Variants in WDR70 observed in about 807,000 individuals in gnomAD.
WDR70 encodes the protein WD repeat-containing protein 70.
A neutral mutation model predicts 88.6 loss-of-function variants in WDR70; 53 were observed. That is an observed-to-expected ratio of 0.60 (90% confidence interval 0.48 to 0.75). WDR70 has a LOEUF of 0.75. WDR70 is among the 30% of genes least tolerant of loss of function. The pLI, the probability that WDR70 is intolerant of heterozygous loss-of-function variation, is 0.00. For missense variants in WDR70, 610 were observed against 823.2 expected, an observed-to-expected ratio of 0.74 and a Z score of 3.17; for synonymous variants, 280 against 270.0, an observed-to-expected ratio of 1.04 and a Z score of -0.36.
chr5:37,433,689 T>C (rs1026714864), intron 5 of WDR70, among the ~76,000 whole-genome samples: 8 of 152,336 alleles, frequency 5.3e-5, no homozygotes, highest in African/African-American at 1.9e-4. Context: ...TGGATGTTCA[T>C]CATATTCATC....
At chr5:37,733,781 T>A (rs1309936213) in intron 17 of WDR70, among the ~76,000 whole-genome samples, 1 of 152,040 alleles carries the variant, frequency 6.6e-6, no homozygotes, top group Non-Finnish European at 1.5e-5. Context: ...ATAATATTAG[T>A]TCTTTCAAAC....
At chr5:37,680,640 A>G (rs1463873668) in intron 10 of WDR70, among the ~76,000 whole-genome samples, 1 of 152,158 alleles carries the variant, frequency 6.6e-6, no homozygotes, top group Non-Finnish European at 1.5e-5. Context: ...TCCTAGCGCT[A>G]TTTATTAAAT....
At chr5:37,393,922 T>G (rs1194801045) in intron 4 of WDR70, among the ~76,000 whole-genome samples, 1 of 152,068 alleles carries the variant, frequency 6.6e-6, no homozygotes, top group Admixed American at 6.6e-5. Context: ...GCTCAAGCAA[T>G]CCGCTCACCT....
In WDR70 at chr5:37,544,193, A is replaced by T. The variant is rs377292418; in HGVS notation, c.917+27603A>T. Among the ~76,000 whole-genome samples, 3 of 152,184 alleles carry T rather than the reference A, an allele frequency of 2.0e-5. No individual in the cohort carries two copies. In the East Asian group the frequency reaches 5.8e-4, roughly 29 times the overall value. On this transcript the variant is annotated intron_variant, in intron 9 of 17. Transcript: ENST00000265107. ...TCTGCATTGGATTATACATAACAGGATTTCCTAAGTCCATGCCTCAGACTG... is the reference window on the plus strand; with the variant it reads ...TCTGCATTGGATTATACATAACAGGTTTTCCTAAGTCCATGCCTCAGACTG...
rs756604099 is a variant in WDR70, at chr5:37,605,227, C to T, written c.1081C>T (p.Arg361Ter). Residue 361 changes from arginine (R) to a stop codon, truncating the protein, a stop_gained, in exon 10 of 18, where the codon CGA becomes TGA. Transcript: ENST00000265107. LOFTEE classifies it high-confidence loss of function. The stretch of plus-strand genomic sequence containing the variant: ...GAATGGAAGCATACAGATCTGGGAC[C>T]GAAATTTGACTGTAAGTTAAATCTT... ...CQNGSIQIWDRNLTVHPKFHY... is the reference protein window; with the variant it reads ...CQNGSIQIWD 1.7e-5 allele frequency: 27 copies of T among 1,589,074 alleles called. No individual in the cohort carries two copies. Among genetic ancestry groups the T allele is most frequent in the African/African-American group, 2.7e-5 (2 of 73,884 alleles).
chr5:37,743,976 A>G (rs1443652810), intron 17 of WDR70, among the ~76,000 whole-genome samples: 4 of 152,160 alleles, frequency 2.6e-5, no homozygotes, highest in African/African-American at 9.7e-5. Flanking sequence ...GAGACCCTCC[A>G]ACAGAGATTG....
chr5:37,716,672 G>C (rs1008201542), intron 13 of WDR70, among the ~76,000 whole-genome samples: 3 of 148,172 alleles, frequency 2.0e-5, no homozygotes, highest in Non-Finnish European at 4.4e-5. Flanking sequence ...TATTTGTGAG[G>C]ACTCAATTAT....
intron 7 of WDR70, among the ~76,000 whole-genome samples, chr5:37,476,211 A>C (rs1739475599): frequency 6.6e-6 from 1 of 152,034 alleles, no homozygotes; most frequent in Non-Finnish European, 1.5e-5. Context: ...ATTGTCTTTT[A>C]CTATTCTTTT....
intron 7 of WDR70, among the ~76,000 whole-genome samples, chr5:37,472,095 G>GT (rs1427765441): frequency 6.6e-6 from 1 of 151,748 alleles, no homozygotes; most frequent in East Asian, 1.9e-4. Flanking sequence ...TTGCCAGGAG[G>GT]TTTTATGAAA....
chr5:37,488,478 T>C (rs75391770), intron 8 of WDR70, among the ~76,000 whole-genome samples: 2,650 of 146,622 alleles, frequency 0.018, 29 homozygotes, highest in Non-Finnish European at 0.027. Context: ...TATGTAGGCT[T>C]TCTTTATTCT....
chr5:37,695,721 C>A (rs1005652890), intron 10 of WDR70, among the ~76,000 whole-genome samples: 27 of 152,212 alleles, frequency 1.8e-4, no homozygotes. Context: ...CATGCAACTG[C>A]TTCAGCCCCA....
At chr5:37,446,997 A>G (rs968905031) in intron 7 of WDR70, among the ~76,000 whole-genome samples, 1 of 152,234 alleles carries the variant, frequency 6.6e-6, no homozygotes, top group African/African-American at 2.4e-5. Context: ...ATCAGAGTGA[A>G]CAGGCAACCT....
At chr5:37,387,407 A>C (rs1384928891) in intron 3 of WDR70, among the ~76,000 whole-genome samples, 1 of 152,130 alleles carries the variant, frequency 6.6e-6, no homozygotes, top group Non-Finnish European at 1.5e-5. Flanking sequence ...GGGGTTATTA[A>C]ATTTTTAAAT....
chr5:37,492,742 C>T (rs1467165453), intron 8 of WDR70, among the ~76,000 whole-genome samples: 13 of 152,064 alleles, frequency 8.5e-5, no homozygotes, highest in Non-Finnish European at 1.3e-4. Flanking sequence ...CTTCTTGCTC[C>T]GTATAGTAAA....
At chr5:37,632,137 A>G (rs1032169642) in intron 10 of WDR70, among the ~76,000 whole-genome samples, 2 of 152,166 alleles carry the variant, frequency 1.3e-5, no homozygotes, top group African/African-American at 4.8e-5. Flanking sequence ...TTACCTGGTG[A>G]TGTCATAGCC....
intron 9 of WDR70, among the ~76,000 whole-genome samples, chr5:37,592,310 A>G (rs1233469311): frequency 6.6e-6 from 1 of 152,194 alleles, no homozygotes; most frequent in African/African-American, 2.4e-5. Context: ...CAAAAATGTC[A>G]TTGTCTCAGT....
intron 3 of WDR70, among the ~76,000 whole-genome samples, chr5:37,388,097 G>A (rs1748683141): frequency 6.6e-6 from 1 of 151,996 alleles, no homozygotes; most frequent in Non-Finnish European, 1.5e-5. Context: ...CTATAAGTAT[G>A]TGTAGGACAT....
At chr5:37,722,649 A>C in intron 14 of WDR70, 1 of 564,352 alleles carries the variant, frequency 1.8e-6, no homozygotes, top group South Asian at 2.2e-5. Flanking sequence ...GCTTGTTAAT[A>C]ACCACTGACT....
chr5:37,678,825 GT>G (rs1267977973), intron 10 of WDR70, among the ~76,000 whole-genome samples: 1 of 114,180 alleles, frequency 8.8e-6, no homozygotes, highest in East Asian at 2.4e-4. Context: ...CCTGCAGAGT[GT>G]TTTCCAACTT....
Sources: allele counts gnomAD v4.1 joint callset (sites outside exome capture counted in the v4.1 genomes callset), GRCh38; gene constraint gnomAD v4.1.1; transcripts MANE v1.5; gene names NCBI Gene and HGNC (gene_info 2026-07-23, HGNC 2026-07-21).